TDRP: variants seen among roughly 807,000 people sequenced by gnomAD.
TDRP encodes the protein testis development-related protein.
Under a neutral mutation model 10.5 loss-of-function variants are expected in TDRP, and 12 were observed. That is an observed-to-expected ratio of 1.15 (90% confidence interval 0.73 to 1.86). The LOEUF is 1.86. TDRP is among the 40% of genes most tolerant of loss of function. The pLI, the probability that TDRP is intolerant of heterozygous loss-of-function variation, is 0.00. For synonymous variants in TDRP, 139 were observed against 95.4 expected (o/e 1.46, Z -2.67); for missense variants, 353 against 229.2 (o/e 1.54, Z -3.49).
intron 1 of TDRP, among the ~76,000 whole-genome samples, chr8:524,355 C>T (rs748246310): frequency 5.9e-5 from 9 of 152,130 alleles, no homozygotes; most frequent in Middle Eastern, 3.2e-3. Context: ...ACTGCATATA[C>T]TACAATAAAT....
chr8:524,624 G>A (rs1452230972), intron 1 of TDRP, among the ~76,000 whole-genome samples: 2 of 152,146 alleles, frequency 1.3e-5, no homozygotes, highest in African/African-American at 4.8e-5. Context: ...AAAACATCAA[G>A]CAGAAATTCT....
chr8:519,517 C>A (rs1368903765), intron 1 of TDRP, among the ~76,000 whole-genome samples: 1 of 151,988 alleles, frequency 6.6e-6, no homozygotes, highest in Non-Finnish European at 1.5e-5. Flanking sequence ...TGTTGTACAA[C>A]AGATCTCTAA....
chr8:530,534 C>G (rs1329622552), intron 1 of TDRP, among the ~76,000 whole-genome samples: 1 of 152,132 alleles, frequency 6.6e-6, no homozygotes, highest in Non-Finnish European at 1.5e-5. Flanking sequence ...GCTAGAGATT[C>G]TGGGGCCTCT....
At chr8:501,137 T>C (rs910623028) in intron 1 of TDRP, among the ~76,000 whole-genome samples, 9 of 150,466 alleles carry the variant, frequency 6.0e-5, no homozygotes, top group East Asian at 2.0e-4. Flanking sequence ...CCCGAGGAGG[T>C]GGAGCTTGCA....
chr8:544,671 G>A lies in TDRP; in HGVS notation c.87C>T (p.Ala29=). The change falls in exon 1 of 3, where the codon GCC becomes GCT. Residue 29 remains alanine, a synonymous_variant. Coordinates refer to ENST00000324079, the MANE Select transcript of TDRP (RefSeq NM_001384899.1). ...TCACCTGCGCCTGGGCGGCGGCGGCGGCGGCCGGTGGCGGCCCCCCACGCA... is the reference window on the plus strand; with the variant it reads ...TCACCTGCGCCTGGGCGGCGGCGGCAGCGGCCGGTGGCGGCCCCCCACGCA... ...DGLRGGPPPA[A]AAAAQAQVQG... is the part of the protein sequence containing the mutation. 1 of 1,184,632 alleles carries A rather than the reference G, an allele frequency of 8.4e-7. No individual in the cohort carries two copies. The allele number at this position is 1,184,632 out of a possible 1,614,324, so 73.4% of individuals were successfully genotyped here.
At chr8:513,208 AAGGAAATTAT>A (rs1322192294) in intron 1 of TDRP, among the ~76,000 whole-genome samples, 9 of 152,042 alleles carry the variant, frequency 5.9e-5, no homozygotes, top group South Asian at 2.1e-4. Context: ...ACCACGAGAA[AAGGAAATTAT>A]AGACTAGTAT....
At chr8:503,297 C>T (rs576437039) in intron 1 of TDRP, among the ~76,000 whole-genome samples, 27 of 144,748 alleles carry the variant, frequency 1.9e-4, no homozygotes, top group East Asian at 1.3e-3. Flanking sequence ...CCTCAGCACA[C>T]GCCAACATGG....
intron 1 of TDRP, among the ~76,000 whole-genome samples, chr8:540,846 CAAGA>C (rs1789575308): frequency 7.0e-6 from 1 of 143,300 alleles, no homozygotes; most frequent in Non-Finnish European, 1.5e-5. Context: ...ACCTGATGTT[CAAGA>C]AAGGCAACAG....
intron 1 of TDRP, among the ~76,000 whole-genome samples, chr8:523,708 C>T (rs1173707679): frequency 6.6e-6 from 1 of 152,154 alleles, no homozygotes; most frequent in African/African-American, 2.4e-5. Flanking sequence ...AGAGGCTCCT[C>T]TGCTTGTGGA....
At position 491,487 on chromosome 8, in the gene TDRP, C is replaced by A. The variant is rs537731178; in HGVS notation, c.*912G>T. 1.2e-5 allele frequency: 11 copies of A among 898,702 alleles called. No individual in the cohort carries two copies. The highest frequency in any genetic ancestry group is 1.7e-5 in the Non-Finnish European group (11 of 646,048). The allele number at this position is 898,702 out of a possible 1,614,324, so 55.7% of individuals were successfully genotyped here. A position where few individuals can be genotyped will look rare whatever the true frequency, so the allele number is the denominator to read the frequency against. On this transcript the variant is annotated 3_prime_UTR_variant, in exon 3 of 3. Transcript: ENST00000324079. ...GTCGATTATTCTTGTGGAAAAAACA[C>A]AGCTTCTTACAGATCTAACACCAAT...
Position 544,658 on chromosome 8 carries a change from GGGC to G in TDRP, c.97_99del (p.Ala33del), listed in dbSNP as rs71202629. ...CCTGCGCACCCCCTCACCTGCGCCT[GGGC>G]GGCGGCGGCGGCGGCCGGTGGCGGC... is the stretch of plus-strand genomic sequence containing the variant. On this transcript the variant is annotated inframe_deletion, in exon 1 of 3. Coordinates refer to ENST00000324079, the MANE Select transcript of TDRP (RefSeq NM_001384899.1). The G allele has an allele frequency of 6.8e-5, 84 of 1,241,078 alleles. No individual in the cohort carries two copies. The highest frequency in any genetic ancestry group is 5.5e-4 in the South Asian group (15 of 27,206). 76.9% of individuals were successfully genotyped at this position (1,241,078 alleles called of 1,614,324 possible). A position where few individuals can be genotyped will look rare whatever the true frequency, so the allele number is the denominator to read the frequency against.
At chr8:533,584 C>T (rs528992628) in intron 1 of TDRP, among the ~76,000 whole-genome samples, 1 of 152,276 alleles carries the variant, frequency 6.6e-6, no homozygotes, top group Admixed American at 6.5e-5. Context: ...CATCTTGCCC[C>T]CAACCCCTCC....
At chr8:497,900 A>G (rs1230172469) in intron 1 of TDRP, among the ~76,000 whole-genome samples, 3 of 152,212 alleles carry the variant, frequency 2.0e-5, no homozygotes, top group Non-Finnish European at 4.4e-5. Context: ...CCATGACTTC[A>G]GAGGGTGCAA....
intron 1 of TDRP, among the ~76,000 whole-genome samples, chr8:521,474 C>T (rs887875756): frequency 6.6e-6 from 1 of 152,132 alleles, no homozygotes; most frequent in Non-Finnish European, 1.5e-5. Flanking sequence ...GTTTTCCCAA[C>T]AGCATTTGTT....
At chr8:500,003 G>A (rs73671720) in intron 1 of TDRP, among the ~76,000 whole-genome samples, 1 of 152,250 alleles carries the variant, frequency 6.6e-6, no homozygotes, top group South Asian at 2.1e-4. Flanking sequence ...CACCTCTTGA[G>A]GACCAAGAAG....
chr8:511,227 C>A (rs530448597), intron 1 of TDRP, among the ~76,000 whole-genome samples: 2 of 152,032 alleles, frequency 1.3e-5, no homozygotes, highest in Admixed American at 1.3e-4. Flanking sequence ...CTAAATACTG[C>A]CTATAGGAGA....
At chr8:502,365 G>A (rs1306382545) in intron 1 of TDRP, among the ~76,000 whole-genome samples, 2 of 152,210 alleles carry the variant, frequency 1.3e-5, no homozygotes, top group African/African-American at 2.4e-5. Context: ...TCAGGCCACA[G>A]GAAGGCCCGC....
chr8:513,815 T>C (rs979567215), intron 1 of TDRP, among the ~76,000 whole-genome samples: 3 of 152,234 alleles, frequency 2.0e-5, no homozygotes, highest in African/African-American at 7.2e-5. Context: ...GGACACATCA[T>C]GAATACACGA....
At chr8:520,643 T>C (rs1266778050) in intron 1 of TDRP, among the ~76,000 whole-genome samples, 2 of 152,198 alleles carry the variant, frequency 1.3e-5, no homozygotes, top group African/African-American at 4.8e-5. Flanking sequence ...ATACTAATGG[T>C]TGTGAGGTGA....
Sources: allele counts gnomAD v4.1 joint callset (sites outside exome capture counted in the v4.1 genomes callset), GRCh38; gene constraint gnomAD v4.1.1; transcripts MANE v1.5; gene names NCBI Gene and HGNC (gene_info 2026-07-23, HGNC 2026-07-21).